The following RIC1 variants were observed in gnomAD, a reference collection of about 807,000 sequenced individuals.
RIC1 encodes RIC1 partner of RAB6A GEF complex.
A neutral mutation model predicts 169.0 loss-of-function variants in RIC1; 88 were observed. That is an observed-to-expected ratio of 0.52 (90% CI 0.44 to 0.62). RIC1 has a LOEUF of 0.62. Among genes scored for constraint, RIC1 ranks in the 20% least tolerant of loss-of-function variants. RIC1 has a pLI of 0.00. For missense variants in RIC1, 1,877 were observed against 1,725.5 expected, an observed-to-expected ratio of 1.09 and a Z score of -1.56; for synonymous variants, 790 against 601.5, an observed-to-expected ratio of 1.31 and a Z score of -4.59.
chr9:5,715,067 C>T (rs1458032748), intron 4 of RIC1, among the ~76,000 whole-genome samples: 1 of 152,106 alleles, frequency 6.6e-6, no homozygotes, highest in Non-Finnish European at 1.5e-5. Flanking sequence ...ATATCTTATT[C>T]TCATAGAAAA....
intron 2 of RIC1, among the ~76,000 whole-genome samples, chr9:5,682,783 C>G (rs1037862637): frequency 1.4e-4 from 22 of 152,302 alleles, no homozygotes; most frequent in Admixed American, 3.9e-4. Flanking sequence ...CTCCCCGTCA[C>G]TTTCAGGTCA....
chr9:5,682,815 T>C (rs1265309535), intron 2 of RIC1, among the ~76,000 whole-genome samples: 1 of 152,206 alleles, frequency 6.6e-6, no homozygotes, highest in East Asian at 1.9e-4. Context: ...CAGACATAGA[T>C]TTTGTCTTTT....
At chr9:5,645,430 C>A (rs186737588) in intron 1 of RIC1, among the ~76,000 whole-genome samples, 1 of 152,298 alleles carries the variant, frequency 6.6e-6, no homozygotes, top group East Asian at 1.9e-4. Context: ...ATATATACTT[C>A]GCAAAGTTCT....
In RIC1 at chr9:5,763,217, A is replaced by G; in HGVS notation, c.2190A>G (p.Lys730=). The part of the protein sequence containing the change: ...VWTTCRANKQ[K]RHLLEALWLS... ...CAACGTGTCGAGCAAATAAACAGAA[A>G]CGTCACCTTCTGGAGGCCCTCTGGC... Residue 730 remains lysine (K), a synonymous_variant, in exon 19 of 26, where the codon AAA becomes AAG. Transcript: ENST00000414202. The surrounding 1 kb of genome is among the most constrained non-coding windows in gnomAD (Gnocchi z 5.2). 6.2e-7 allele frequency: 1 copy of G among 1,614,108 alleles called. No individual in the cohort carries two copies. The highest frequency in any genetic ancestry group is 8.5e-7 in the Non-Finnish European group (1 of 1,179,996).
chr9:5,758,141 G>C (rs1229331062), intron 17 of RIC1, among the ~76,000 whole-genome samples: 1 of 152,104 alleles, frequency 6.6e-6, no homozygotes, highest in Non-Finnish European at 1.5e-5. Flanking sequence ...GAAAGAAGTA[G>C]AATGAGTATA....
intron 3 of RIC1, among the ~76,000 whole-genome samples, chr9:5,693,898 CT>C (rs1821738738): frequency 7.4e-6 from 1 of 135,420 alleles, no homozygotes; most frequent in South Asian, 2.2e-4. Context: ...ATTTTTGAGG[CT>C]GAGTTTCTTT....
chr9:5,730,405 A>C (rs537839452), intron 6 of RIC1, among the ~76,000 whole-genome samples: 1 of 152,350 alleles, frequency 6.6e-6, no homozygotes, highest in Admixed American at 6.5e-5. Flanking sequence ...GGCTATATGC[A>C]ACAACACAGA....
chr9:5,712,497 A>G (rs1339145161), intron 3 of RIC1, among the ~76,000 whole-genome samples: 3 of 152,208 alleles, frequency 2.0e-5, no homozygotes, highest in African/African-American at 7.2e-5. Context: ...ATTTACAAGA[A>G]AAAAACAACC....
At chr9:5,720,807 G>T in intron 6 of RIC1, 57 bp downstream of exon 6, 7 of 1,368,354 alleles carry the variant, frequency 5.1e-6, no homozygotes, top group Middle Eastern at 1.9e-4. Context: ...TTTATTCTTT[G>T]TTATCAAATT....
chr9:5,751,787 T>C (rs1825740034), intron 12 of RIC1, among the ~76,000 whole-genome samples: 1 of 152,228 alleles, frequency 6.6e-6, no homozygotes, highest in South Asian at 2.1e-4. Context: ...ACAAACAGTT[T>C]TATCAAATTT....
intron 1 of RIC1, among the ~76,000 whole-genome samples, chr9:5,648,017 C>G (rs984944108): frequency 2.7e-5 from 4 of 150,792 alleles, no homozygotes; most frequent in Non-Finnish European, 5.9e-5. Flanking sequence ...TTTTCTTGCT[C>G]TGTTGCCCAG....
intron 23 of RIC1, 63 bp downstream of exon 23, chr9:5,770,341 C>T (rs967399249): frequency 1.5e-6 from 2 of 1,319,580 alleles, no homozygotes; most frequent in African/African-American, 1.5e-5. Context: ...TGCTATAGCA[C>T]TTCAGAGATA....
At chr9:5,691,161 A>G (rs1180602119) in intron 3 of RIC1, among the ~76,000 whole-genome samples, 1 of 152,012 alleles carries the variant, frequency 6.6e-6, no homozygotes, top group Non-Finnish European at 1.5e-5. Context: ...AGAAAAATGT[A>G]TAAACTTAAG....
chr9:5,749,676 C>G (rs1372209986), intron 12 of RIC1, among the ~76,000 whole-genome samples: 5 of 143,030 alleles, frequency 3.5e-5, no homozygotes, highest in East Asian at 2.1e-4. Context: ...TTGGAAGATT[C>G]TATGTTACTT....
At chr9:5,711,789 T>C (rs1166337523) in intron 3 of RIC1, among the ~76,000 whole-genome samples, 6 of 152,178 alleles carry the variant, frequency 3.9e-5, no homozygotes, top group African/African-American at 1.4e-4. Flanking sequence ...AGTGTTCTCA[T>C]TGTTCAATTC....
intron 1 of RIC1, among the ~76,000 whole-genome samples, chr9:5,635,718 G>A (rs949963952): frequency 2.6e-5 from 4 of 152,152 alleles, no homozygotes; most frequent in South Asian, 2.1e-4. Context: ...AGATCATAGC[G>A]GGAGTTTTCC....
chr9:5,768,031 G>A (rs1007195544), intron 21 of RIC1, among the ~76,000 whole-genome samples: 1 of 152,198 alleles, frequency 6.6e-6, no homozygotes, highest in South Asian at 2.1e-4. Context: ...AATAAACTTA[G>A]TTATGTTCAC....
intron 3 of RIC1, among the ~76,000 whole-genome samples, chr9:5,697,356 C>T (rs1398523262): frequency 6.6e-6 from 1 of 152,144 alleles, no homozygotes; most frequent in African/African-American, 2.4e-5. Flanking sequence ...TGATATCAGT[C>T]CTGTGCTGCC....
At chr9:5,634,620 C>G (rs925795960) in intron 1 of RIC1, among the ~76,000 whole-genome samples, 5 of 151,884 alleles carry the variant, frequency 3.3e-5, no homozygotes, top group African/African-American at 4.8e-5. Flanking sequence ...AATATTAGCC[C>G]CCTTTTAGAT....
Sources: gnomAD v4.1 joint callset for allele counts (sites outside exome capture counted in the v4.1 genomes callset) on GRCh38, gnomAD v4.1.1 for gene constraint, Gnocchi (gnomAD v3.1) non-coding constraint, MANE v1.5 for transcripts, NCBI Gene and HGNC (gene_info 2026-07-23, HGNC 2026-07-21) for gene names.